LPIN3: variants seen among roughly 807,000 people sequenced by gnomAD.
LPIN3 encodes lipin 3.
A neutral mutation model predicts 94.7 loss-of-function variants in LPIN3; 82 were observed. That is an observed-to-expected ratio of 0.87 (90% confidence interval 0.72 to 1.04). LPIN3 has a LOEUF of 1.04. Ranked by LOEUF, LPIN3 falls within the 50% of genes least tolerant of loss-of-function variation. LPIN3 has a pLI of 0.00. For synonymous variants in LPIN3, 418 were observed against 443.3 expected, an observed-to-expected ratio of 0.94 and a Z score of 0.72; for missense variants, 996 against 1,090.5, an observed-to-expected ratio of 0.91 and a Z score of 1.22.
At chr20:41,353,964 C>A (rs1477700355) in intron 11 of LPIN3, among the ~76,000 whole-genome samples, 1 of 152,194 alleles carries the variant, frequency 6.6e-6, no homozygotes, top group African/African-American at 2.4e-5. Flanking sequence ...CTGAGAGACC[C>A]CTACCCCACC....
Position 41,354,659 on chromosome 20 carries a change from G to A in LPIN3, c.1542G>A (p.Lys514=), listed in dbSNP as rs777877352. 5 of 1,591,072 alleles carry A rather than the reference G, an allele frequency of 3.1e-6. No homozygotes were observed. In the South Asian group the frequency reaches 3.5e-5, roughly 11 times the overall value. Residue 514 remains lysine, a synonymous_variant, in exon 12 of 20, where the codon AAG becomes AAA. Transcript: ENST00000373257. ...TCTGCCCACAGAGCACCATGGACAA[G>A]CTGGAGAGGGAGAAGATGCCCCGGA... The part of the protein sequence containing the change: ...QKNLPKSTMD[K]LEREKMPRKG...
intron 5 of LPIN3, among the ~76,000 whole-genome samples, chr20:41,349,378 A>G (rs1048013344): frequency 6.6e-6 from 1 of 151,936 alleles, no homozygotes; most frequent in Non-Finnish European, 1.5e-5. Flanking sequence ...CATTTTAACT[A>G]TTTCAAAGTG....
Position 41,345,993 on chromosome 20 carries a change from G to C in LPIN3, c.190G>C (p.Val64Leu). The change falls in exon 2 of 20, where the codon GTG becomes CTG. Residue 64 changes from valine (V) to leucine (L), a missense_variant and splice_region_variant. Coordinates refer to ENST00000373257, the MANE Select transcript of LPIN3 (RefSeq NM_022896.3). ...KLGVLRSREK[V>L]VDIELNGEPV... The stretch of plus-strand genomic sequence containing the variant: ...GGGCGTCCTGCGGTCGCGGGAGAAG[G>C]TGGTGAGTGCTCAGGCTGGCTGAGG... 6.2e-7 allele frequency: 1 copy of C among 1,612,898 alleles called. No homozygotes were observed. The highest frequency in any genetic ancestry group is 1.1e-5 in the South Asian group (1 of 90,968).
intron 2 of LPIN3, 57 bp downstream of exon 2, chr20:41,346,052 C>G: frequency 4.5e-6 from 7 of 1,553,744 alleles, no homozygotes; most frequent in Non-Finnish European, 6.1e-6. Context: ...TAAGCTGGGG[C>G]AGCCACTACA....
intron 2 of LPIN3, among the ~76,000 whole-genome samples, chr20:41,346,924 A>G (rs539262726): frequency 6.6e-6 from 1 of 152,242 alleles, no homozygotes; most frequent in Admixed American, 6.5e-5. Context: ...GAAATAGTAT[A>G]TCTAAGAGGC....
chr20:41,343,456 C>T (rs1221672478), intron 1 of LPIN3, among the ~76,000 whole-genome samples: 1 of 152,254 alleles, frequency 6.6e-6, no homozygotes, highest in Non-Finnish European at 1.5e-5. Context: ...TAGCACATGG[C>T]AGGTGCCTTG....
At chr20:41,347,918 G>A (rs927469848) in intron 3 of LPIN3, among the ~76,000 whole-genome samples, 1 of 152,196 alleles carries the variant, frequency 6.6e-6, no homozygotes, top group Non-Finnish European at 1.5e-5. Flanking sequence ...CTGGGCCCCT[G>A]TGGGATGAAA....
chr20:41,357,795 G>T lies in LPIN3; in HGVS notation c.2040-87G>T, dbSNP rs1279319313. 2.6e-6 allele frequency: 4 copies of T among 1,553,108 alleles called. No individual in the cohort carries two copies. In the East Asian group the frequency reaches 6.7e-5, roughly 26 times the overall value. Reference sequence around the variant, plus strand: ...AAGGTTGGAACATCAGAGTCCCACAGTTGGGCTGGGCAGGCTAAAGCCAGA... The same window carrying T: ...AAGGTTGGAACATCAGAGTCCCACATTTGGGCTGGGCAGGCTAAAGCCAGA... On this transcript the variant is annotated intron_variant, in intron 16 of 19. Transcript: ENST00000373257.
At position 41,358,538 on chromosome 20, in the gene LPIN3, T is replaced by A; in HGVS notation, c.2407T>A (p.Ser803Thr). The A allele has an allele frequency of 6.2e-7, 1 of 1,613,900 alleles. No homozygotes were observed. ...LIQELIKNHK[S>T]TYERLGEVVE... ...CCAGGAGCTCATAAAGAACCACAAA[T>A]CCACGTGAGGCTAAACCCTGCCATG... The change falls in exon 19 of 20, where the codon TCC (serine) becomes ACC (threonine). Residue 803 changes from serine to threonine, a missense_variant. By Grantham distance (58) the Ser-to-Thr change is moderately conservative (BLOSUM62 1). Coordinates refer to ENST00000373257, the MANE Select transcript of LPIN3 (RefSeq NM_022896.3).
chr20:41,357,253 G>T (rs1387144756), intron 15 of LPIN3, 65 bp downstream of exon 15: 1 of 1,606,824 alleles, frequency 6.2e-7, no homozygotes, highest in South Asian at 1.1e-5. Context: ...CCTCTGTGCT[G>T]GGTGTGGTGG....
intron 1 of LPIN3, among the ~76,000 whole-genome samples, chr20:41,342,936 C>T (rs938196028): frequency 6.6e-6 from 1 of 152,148 alleles, no homozygotes; most frequent in East Asian, 1.9e-4. Flanking sequence ...AGTAGGACCC[C>T]GGGTGCCATC....
intron 13 of LPIN3, 148 bp downstream of exon 13, chr20:41,355,011 T>G (rs1374762764): frequency 2.7e-6 from 2 of 751,034 alleles, no homozygotes; most frequent in South Asian, 2.1e-5. Context: ...CACTTCTTTT[T>G]TTGTTGTTTT....
chr20:41,357,218 G>T, intron 15 of LPIN3, 30 bp downstream of exon 15: 1 of 1,612,990 alleles, frequency 6.2e-7, no homozygotes. Context: ...GGGAAGGGGA[G>T]GGAGAGGGGT....
Position 41,356,895 on chromosome 20 carries a change from T to C in LPIN3, c.1804-145T>C, listed in dbSNP as rs1433783088. 3 of 985,118 alleles carry C rather than the reference T, an allele frequency of 3.0e-6. No homozygotes were observed. In the African/African-American group the frequency reaches 4.9e-5, roughly 16 times the overall value. 61.0% of individuals were successfully genotyped at this position (985,118 alleles called of 1,614,324 possible). On this transcript the variant is annotated intron_variant, in intron 14 of 19. Coordinates refer to ENST00000373257, the MANE Select transcript of LPIN3 (RefSeq NM_022896.3). ...ATGGATGTGTCTGTGCATGGCTATC[T>C]CTGATGAATCCAAGAAGCATCTCTG...
At chr20:41,344,940 G>T (rs957174678) in intron 1 of LPIN3, among the ~76,000 whole-genome samples, 3 of 152,210 alleles carry the variant, frequency 2.0e-5, no homozygotes, top group Non-Finnish European at 4.4e-5. Context: ...TTTGTAGTTT[G>T]GGGCCTTAAG....
rs1241124989 is a variant in LPIN3, at chr20:41,358,495, C to A, written c.2364C>A (p.Asn788Lys). ...GLPESRIFTV[N>K]PRGELIQELI... is the part of the protein sequence containing the mutation. ...CTGAGTCACGCATCTTCACAGTCAA[C>A]CCCCGGGGAGAGCTCATCCAGGAGC... Residue 788 changes from asparagine to lysine, a missense_variant, in exon 19 of 20, where the codon AAC (asparagine) becomes AAA (lysine). By Grantham distance (94) the Asn-to-Lys change is moderately conservative. Coordinates refer to ENST00000373257, the MANE Select transcript of LPIN3 (RefSeq NM_022896.3). 1.9e-6 allele frequency: 3 copies of A among 1,614,094 alleles called. No homozygotes were observed. The highest frequency in any genetic ancestry group is 1.1e-5 in the South Asian group (1 of 91,088).
rs374614445 is a variant in LPIN3 at position 41,351,259 on chromosome 20, AAAATT to A, written c.1103-549_1103-545del. 8.1e-4 allele frequency among the ~76,000 whole-genome samples: 123 copies of A among 151,440 alleles called. No homozygotes were observed. In the East Asian group the frequency reaches 0.014, roughly 18 times the overall value. On this transcript the variant is annotated intron_variant, in intron 7 of 19. Transcript: ENST00000373257. ...CTGGGTGACAGATAAATAAAAATTA[AAAATT>A]AAATTAAATTAATTGCAATTAAAAT...
At position 41,346,009 on chromosome 20, in the gene LPIN3, C is replaced by A; in HGVS notation, c.192+14C>A. On this transcript the variant is annotated intron_variant, in intron 2 of 19. Coordinates refer to ENST00000373257, the MANE Select transcript of LPIN3 (RefSeq NM_022896.3). ...CGGGAGAAGGTGGTGAGTGCTCAGG[C>A]TGGCTGAGGTGGCTACTGCAGAGTG... 7.5e-6 allele frequency: 12 copies of A among 1,609,598 alleles called. No homozygotes were observed. The highest frequency in any genetic ancestry group is 1.0e-5 in the Non-Finnish European group (12 of 1,177,688).
chr20:41,358,837 C>A lies in LPIN3; in HGVS notation c.2527C>A (p.Pro843Thr). 6.2e-7 allele frequency: 1 copy of A among 1,614,078 alleles called. No homozygotes were observed. Among genetic ancestry groups the A allele is most frequent in the Non-Finnish European group, 8.5e-7 (1 of 1,180,000 alleles). ...CTTCTGCTACTGGCGGGAGCCACTG[C>A]CTGCTGTGGACCTTGATACCCTGGA... ...SNFCYWREPL[P>T]AVDLDTLD Residue 843 changes from proline to threonine, a missense_variant, in exon 20 of 20, where the codon CCT becomes ACT. Physicochemically the swap from Pro to Thr is conservative, Grantham distance 38. Transcript: ENST00000373257.
Sources: allele counts gnomAD v4.1 joint callset (sites outside exome capture counted in the v4.1 genomes callset), GRCh38; gene constraint gnomAD v4.1.1; transcripts MANE v1.5; gene names NCBI Gene and HGNC (gene_info 2026-07-23, HGNC 2026-07-21).